The following PRKCH variants were observed in gnomAD, a reference collection of about 807,000 sequenced individuals.
PRKCH encodes protein kinase C eta type.
A neutral mutation model predicts 82.5 loss-of-function variants in PRKCH; 28 were observed. That is an observed-to-expected ratio of 0.34 (90% confidence interval 0.25 to 0.47). The LOEUF is 0.47. Among genes scored for constraint, PRKCH ranks in the 20% least tolerant of loss-of-function variants. The pLI is 1.00. For synonymous variants in PRKCH, 322 were observed against 327.4 expected (o/e 0.98, Z 0.18); for missense variants, 705 against 881.8 (o/e 0.80, Z 2.54).
chr14:61,398,196 A>C (rs958500357), intron 2 of PRKCH, among the ~76,000 whole-genome samples: 2 of 152,222 alleles, frequency 1.3e-5, no homozygotes, highest in Non-Finnish European at 2.9e-5. Flanking sequence ...TATAGTGATG[A>C]AACAGCCCTG....
chr14:61,334,447 A>G (rs2045828036), intron 1 of PRKCH, among the ~76,000 whole-genome samples: 1 of 152,172 alleles, frequency 6.6e-6, no homozygotes, highest in Non-Finnish European at 1.5e-5. Context: ...TGCGAAGGAC[A>G]GGTAAAGCAC....
At chr14:61,328,775 C>T (rs545676922) in intron 1 of PRKCH, among the ~76,000 whole-genome samples, 4 of 151,834 alleles carry the variant, frequency 2.6e-5, no homozygotes, top group South Asian at 4.2e-4. Flanking sequence ...ATCCCTTGGG[C>T]CCAGGAGTTT....
At chr14:61,205,862 G>A (rs990557454) in intron 1 of PRKCH, among the ~76,000 whole-genome samples, 4 of 152,226 alleles carry the variant, frequency 2.6e-5, no homozygotes, top group African/African-American at 9.6e-5. Context: ...GATGCCCACA[G>A]TGGCAAATGT....
rs1362737836 is a variant in PRKCH at position 61,550,886 on chromosome 14, G to A, written c.*1055G>A. On this transcript the variant is annotated 3_prime_UTR_variant, in exon 14 of 14. Transcript: ENST00000332981. Reference sequence around the variant, plus strand: ...AATTAGAAATGGATCTTGTAAACAGGGCATATATCAAAGATGACCTTATAA... The same window carrying A: ...AATTAGAAATGGATCTTGTAAACAGAGCATATATCAAAGATGACCTTATAA... The A allele has an allele frequency of 6.6e-6, 1 of 152,068 alleles. No homozygotes were observed. The highest frequency in any genetic ancestry group is 2.4e-5 in the African/African-American group (1 of 41,388). 9.4% of individuals were successfully genotyped at this position (152,068 alleles called of 1,614,324 possible). A position where few individuals can be genotyped will look rare whatever the true frequency, so the allele number is the denominator to read the frequency against.
Position 61,518,854 on chromosome 14 carries a change from C to T in PRKCH, c.1434-10221C>T, listed in dbSNP as rs1321353412. 1.2e-3 allele frequency among the ~76,000 whole-genome samples: 178 copies of T among 152,198 alleles called. 1 individual carries two copies. Among genetic ancestry groups the T allele is most frequent in the African/African-American group, 4.1e-3 (170 of 41,538 alleles). On this transcript the variant is annotated intron_variant, in intron 10 of 13. Transcript: ENST00000332981. ...TTGAGACAGGATCTTGCTCTGTTGC[C>T]CATGCTGGAGTGCAGTAGCACAATC... is the stretch of plus-strand genomic sequence containing the variant.
At chr14:61,289,201 T>A (rs1359436781) in intron 1 of PRKCH, among the ~76,000 whole-genome samples, 1 of 152,184 alleles carries the variant, frequency 6.6e-6, no homozygotes, top group Non-Finnish European at 1.5e-5. Context: ...AGAACATCTC[T>A]AAACCCAAGT....
In PRKCH at chr14:61,272,340, C is replaced by CTTTTTTTTTTTTTTT. The variant is rs1335053986; in HGVS notation, c.-19+84675_-19+84676insTTTTTTTTTTTTTTT. On this transcript the variant is annotated intron_variant, in intron 1 of 3. Coordinates refer to the PRKCH transcript ENST00000555185. ...TAGATTTCTTTTTCTTTTCTTTTTTCTTTCTTTTTTTTTTTTTTTTTTTTT... is the reference window on the plus strand; with the variant it reads ...TAGATTTCTTTTTCTTTTCTTTTTTCTTTTTTTTTTTTTTTTTTCTTTTTTTTTTTTTTTTTTTTT... 1.0e-4 allele frequency among the ~76,000 whole-genome samples: 10 copies of CTTTTTTTTTTTTTTT among 97,838 alleles called. 4 individuals are homozygous for CTTTTTTTTTTTTTTT. The highest frequency in any genetic ancestry group is 1.2e-4 in the African/African-American group (3 of 24,948). 64.2% of individuals were successfully genotyped at this position (97,838 alleles called of 152,430 possible).
chr14:61,356,049 A>G (rs2046143601), intron 1 of PRKCH, among the ~76,000 whole-genome samples: 1 of 152,210 alleles, frequency 6.6e-6, no homozygotes, highest in African/African-American at 2.4e-5. Flanking sequence ...TGAAGCATCC[A>G]GAGAACCGGA....
intron 4 of PRKCH, 115 bp from the exon 5 acceptor site, chr14:61,449,049 A>G (rs975431999): frequency 8.0e-6 from 7 of 874,362 alleles, no homozygotes; most frequent in Admixed American, 6.2e-5. Flanking sequence ...GCTGCTGTCA[A>G]GGGGGCCAGA....
At chr14:61,542,529 G>T (rs113748532) in intron 12 of PRKCH, among the ~76,000 whole-genome samples, 45 of 152,144 alleles carry the variant, frequency 3.0e-4, no homozygotes, top group African/African-American at 1.1e-3. Context: ...AAAAAAGCAA[G>T]AAAAAGGAAC....
intron 12 of PRKCH, chr14:61,543,787 G>A (rs2043217734): frequency 1.3e-5 from 2 of 152,212 alleles, no homozygotes; most frequent in African/African-American, 2.4e-5. Context: ...AAAGGATTAT[G>A]CTGTCACCAT....
At chr14:61,192,192 C>A (rs1035642724) in intron 1 of PRKCH, among the ~76,000 whole-genome samples, 3 of 152,132 alleles carry the variant, frequency 2.0e-5, no homozygotes, top group Non-Finnish European at 4.4e-5. Flanking sequence ...AAGATTATTT[C>A]TATTTTCCTG....
At chr14:61,245,355 C>T (rs2044870447) in intron 1 of PRKCH, among the ~76,000 whole-genome samples, 1 of 152,130 alleles carries the variant, frequency 6.6e-6, no homozygotes, top group African/African-American at 2.4e-5. Context: ...CTTCCTTTCC[C>T]CACCACCACC....
At position 61,443,131 on chromosome 14, in the gene PRKCH, A is replaced by G. The variant is rs151228277; in HGVS notation, c.448A>G (p.Ile150Val). Residue 150 changes from isoleucine (I) to valine (V), a missense_variant, in exon 3 of 14, where the codon ATC becomes GTC. This residue lies in a region of PRKCH where 246 missense variants were observed against 308.0 expected (regional missense o/e 0.80). Coordinates refer to ENST00000332981, the MANE Select transcript of PRKCH (RefSeq NM_006255.5). ...FTEATLQRDR[I>V]FKHFTRKRQR... ...TATAGCTACTCTCCAGAGAGACCGG[A>G]TCTTCAAACATTTTACCAGGAAGCG... 6.2e-7 allele frequency: 1 copy of G among 1,613,938 alleles called. No homozygotes were observed. The highest frequency in any genetic ancestry group is 8.5e-7 in the Non-Finnish European group (1 of 1,179,892).
intron 1 of PRKCH, among the ~76,000 whole-genome samples, chr14:61,193,752 G>T (rs1195599541): frequency 6.6e-6 from 1 of 152,184 alleles, no homozygotes; most frequent in Non-Finnish European, 1.5e-5. Flanking sequence ...AAAAAGGAGG[G>T]TTTATTGTAG....
chr14:61,490,448 A>G (rs1335455713), intron 10 of PRKCH, among the ~76,000 whole-genome samples: 26 of 152,218 alleles, frequency 1.7e-4, no homozygotes, highest in Non-Finnish European at 1.6e-4. Flanking sequence ...CTGTGTGAAT[A>G]TACCGATCAC....
chr14:61,191,322 T>G (rs1006242792), intron 1 of PRKCH, among the ~76,000 whole-genome samples: 1 of 152,234 alleles, frequency 6.6e-6, no homozygotes, highest in African/African-American at 2.4e-5. Flanking sequence ...TATTTTTTTC[T>G]CAGGCTCTCC....
At chr14:61,513,312 G>A (rs1234679560) in intron 10 of PRKCH, among the ~76,000 whole-genome samples, 1 of 152,152 alleles carries the variant, frequency 6.6e-6, no homozygotes, top group African/African-American at 2.4e-5. Context: ...CCTTGTTCTG[G>A]GGCTAGAGAG....
chr14:61,479,877 G>C (rs1192622548), intron 9 of PRKCH, among the ~76,000 whole-genome samples: 3 of 152,204 alleles, frequency 2.0e-5, no homozygotes, highest in Admixed American at 6.5e-5. Flanking sequence ...CTCACACCAG[G>C]TGTGGGACAA....
Sources: gnomAD v4.1 joint callset for allele counts (sites outside exome capture counted in the v4.1 genomes callset) on GRCh38, gnomAD v4.1.1 for gene constraint, gnomAD v4.1.1 regional missense constraint, MANE v1.5 for transcripts, NCBI Gene and HGNC (gene_info 2026-07-23, HGNC 2026-07-21) for gene names.